Variants in CFAP54 observed in about 807,000 individuals in gnomAD.
The protein encoded by CFAP54 is cilia- and flagella-associated protein 54.
CFAP54 carries 290 observed loss-of-function variants against 370.4 expected under a neutral mutation model. The observed-to-expected ratio is 0.78, with a 90% confidence interval of 0.71 to 0.86. CFAP54 has a LOEUF of 0.86. CFAP54 is among the 40% of genes least tolerant of loss of function. The pLI is 0.00. For missense variants in CFAP54, 3,399 were observed against 3,528.7 expected, an observed-to-expected ratio of 0.96 and a Z score of 0.93; for synonymous variants, 1,206 against 1,236.5, an observed-to-expected ratio of 0.98 and a Z score of 0.52.
intron 12 of CFAP54, among the ~76,000 whole-genome samples, chr12:96,536,926 C>G (rs752286422): frequency 7.2e-5 from 11 of 152,000 alleles, no homozygotes; most frequent in Non-Finnish European, 1.5e-4. Flanking sequence ...CTGTGCCTGG[C>G]CCTCATTAAT....
chr12:96,598,525 A>G, intron 25 of CFAP54, 120 bp from the exon 26 acceptor site: 1 of 431,198 alleles, frequency 2.3e-6, no homozygotes, highest in Non-Finnish European at 4.1e-6. Flanking sequence ...CAATTTATCA[A>G]TAATTATTGA....
intron 15 of CFAP54, among the ~76,000 whole-genome samples, chr12:96,551,520 T>A (rs557669789): frequency 7.9e-5 from 12 of 151,438 alleles, no homozygotes; most frequent in African/African-American, 2.9e-4. Context: ...TGTGTGTGTG[T>A]GTGTCTGTAT....
At chr12:96,685,580 C>A (rs1387587702) in intron 42 of CFAP54, among the ~76,000 whole-genome samples, 1 of 150,956 alleles carries the variant, frequency 6.6e-6, no homozygotes, top group Non-Finnish European at 1.5e-5. Context: ...GAGACGGAGT[C>A]TCACTCTGTT....
chr12:96,503,449 CTTTG>C (rs1198642603), intron 2 of CFAP54, among the ~76,000 whole-genome samples: 1 of 137,818 alleles, frequency 7.3e-6, no homozygotes, highest in Non-Finnish European at 1.6e-5. Context: ...TCCTTCCTTC[CTTTG>C]TTTCTCTCTC....
chr12:96,728,314 C>A (rs1012336410), intron 50 of CFAP54, among the ~76,000 whole-genome samples: 1 of 152,152 alleles, frequency 6.6e-6, no homozygotes, highest in Non-Finnish European at 1.5e-5. Flanking sequence ...TCAGGTACAC[C>A]AATCAGATGC....
intron 20 of CFAP54, among the ~76,000 whole-genome samples, chr12:96,580,284 A>G (rs1353327982): frequency 6.6e-6 from 1 of 152,124 alleles, no homozygotes; most frequent in Non-Finnish European, 1.5e-5. Context: ...CAAAATGACA[A>G]TAGTAATCCC....
At chr12:96,701,199 G>A (rs1218709446) in intron 46 of CFAP54, among the ~76,000 whole-genome samples, 2 of 152,024 alleles carry the variant, frequency 1.3e-5, no homozygotes, top group African/African-American at 4.8e-5. Flanking sequence ...ATAGGTAGAT[G>A]GATAGAGAGA....
intron 39 of CFAP54, among the ~76,000 whole-genome samples, chr12:96,673,121 T>C (rs1447488647): frequency 6.6e-6 from 1 of 152,236 alleles, no homozygotes; most frequent in Admixed American, 6.5e-5. Flanking sequence ...TTCTAAATAC[T>C]GTAATGACAG....
chr12:96,534,336 G>A, intron 11 of CFAP54, 109 bp downstream of exon 11: 1 of 651,698 alleles, frequency 1.5e-6, no homozygotes, highest in Non-Finnish European at 2.5e-6. Flanking sequence ...AGGTACAAAG[G>A]CCCTGAGACA....
intron 19 of CFAP54, among the ~76,000 whole-genome samples, chr12:96,569,427 T>A (rs1440555920): frequency 6.6e-6 from 1 of 152,138 alleles, no homozygotes; most frequent in African/African-American, 2.4e-5. Flanking sequence ...CTTAGGAAAA[T>A]AAGTTTGTCT....
chr12:96,747,248 G>A (rs565738817), intron 55 of CFAP54, among the ~76,000 whole-genome samples: 2 of 152,180 alleles, frequency 1.3e-5, no homozygotes, highest in South Asian at 2.1e-4. Context: ...AAAGGTGTTC[G>A]CACTACATTG....
chr12:96,491,656 G>C (rs540962020), intron 1 of CFAP54, among the ~76,000 whole-genome samples: 79 of 152,298 alleles, frequency 5.2e-4, no homozygotes, highest in African/African-American at 1.8e-3. Flanking sequence ...AAGTATTTCA[G>C]GAAGAAAGGA....
At chr12:96,833,113 A>G (rs1167092276) in intron 66 of CFAP54, among the ~76,000 whole-genome samples, 1 of 152,206 alleles carries the variant, frequency 6.6e-6, no homozygotes, top group Non-Finnish European at 1.5e-5. Context: ...AAGGAAGGGA[A>G]CGAGTGCCCC....
intron 50 of CFAP54, among the ~76,000 whole-genome samples, chr12:96,733,677 T>G (rs896567560): frequency 1.3e-5 from 2 of 152,188 alleles, no homozygotes; most frequent in East Asian, 1.9e-4. Flanking sequence ...TTTAGACTGT[T>G]GGCAGTAGGT....
At chr12:96,758,634 T>C (rs903636785) in intron 58 of CFAP54, among the ~76,000 whole-genome samples, 20 of 152,112 alleles carry the variant, frequency 1.3e-4, no homozygotes, top group African/African-American at 4.8e-4. Context: ...GAATAACTTG[T>C]ATTGGTGGAA....
At chr12:96,867,040 C>T (rs998115758) in intron 67 of CFAP54, among the ~76,000 whole-genome samples, 1 of 151,938 alleles carries the variant, frequency 6.6e-6, no homozygotes, top group African/African-American at 2.4e-5. Context: ...GTAATTAGGG[C>T]CAAAGGAATT....
chr12:96,555,400 A>T (rs887989393), intron 17 of CFAP54, among the ~76,000 whole-genome samples: 1 of 151,856 alleles, frequency 6.6e-6, no homozygotes, highest in South Asian at 2.1e-4. Flanking sequence ...AGATGAAAAA[A>T]ATATTTATAC....
intron 36 of CFAP54, among the ~76,000 whole-genome samples, chr12:96,655,221 G>C (rs1956908524): frequency 6.6e-6 from 1 of 150,524 alleles, no homozygotes; most frequent in South Asian, 2.1e-4. Flanking sequence ...ATTCAAAGCA[G>C]TTCAGAGGTT....
rs1226428760 is a variant in CFAP54 at position 96,833,945 on chromosome 12, A to G, written c.9171+4857A>G. 2.6e-5 allele frequency among the ~76,000 whole-genome samples: 4 copies of G among 152,144 alleles called. No homozygotes were observed. In the East Asian group the frequency reaches 7.7e-4, roughly 29 times the overall value. On this transcript the variant is annotated intron_variant, in intron 66 of 67. Coordinates refer to ENST00000524981, the MANE Select transcript of CFAP54 (RefSeq NM_001306084.2). ...TACCATTATTATCCTTGTTTTAGAG[A>G]TGAGGACACTGATACATAGGAAAAT...
Sources: allele counts gnomAD v4.1 joint callset (sites outside exome capture counted in the v4.1 genomes callset), GRCh38; gene constraint gnomAD v4.1.1; transcripts MANE v1.5; gene names NCBI Gene and HGNC (gene_info 2026-07-23, HGNC 2026-07-21).